AKT3: variants seen among roughly 807,000 people sequenced by gnomAD.
The protein encoded by AKT3 is AKT serine/threonine kinase 3, also known as RAC-gamma serine/threonine-protein kinase.
Under a neutral mutation model 65.3 loss-of-function variants are expected in AKT3, and 15 were observed. That is an observed-to-expected ratio of 0.23 (90% confidence interval 0.15 to 0.35). The LOEUF (loss-of-function observed/expected upper bound fraction) is 0.35, where lower values mean the gene tolerates loss of function less well. Ranked by LOEUF, AKT3 falls within the 10% of genes least tolerant of loss-of-function variation. The pLI is 1.00. For missense variants in AKT3, 243 were observed against 576.5 expected (o/e 0.42, Z 5.92); for synonymous variants, 206 against 183.8 (o/e 1.12, Z -0.98).
chr1:243,498,221 C>A (rs937388201), downstream of AKT3, among the ~76,000 whole-genome samples: 1 of 149,910 alleles, frequency 6.7e-6, no homozygotes, highest in Non-Finnish European at 1.5e-5. Flanking sequence ...GCAAACCCTG[C>A]GTTTGACAAT....
At chr1:243,832,751 A>T (rs1483826583) in intron 2 of AKT3, among the ~76,000 whole-genome samples, 4 of 152,216 alleles carry the variant, frequency 2.6e-5, no homozygotes, top group African/African-American at 9.6e-5. Context: ...ATAGCTGGAA[A>T]GTGAGAGGGA....
intron 4 of AKT3, among the ~76,000 whole-genome samples, chr1:243,659,218 G>A (rs1041826464): frequency 2.6e-5 from 4 of 152,144 alleles, no homozygotes; most frequent in Non-Finnish European, 4.4e-5. Flanking sequence ...TAAAGTAGTC[G>A]AATTCACAGA....
At chr1:243,742,965 C>A (rs1688254384) in intron 2 of AKT3, among the ~76,000 whole-genome samples, 1 of 151,928 alleles carries the variant, frequency 6.6e-6, no homozygotes, top group Non-Finnish European at 1.5e-5. Flanking sequence ...AGAACATGTA[C>A]ATGTTCACCA....
intron 8 of AKT3, among the ~76,000 whole-genome samples, chr1:243,606,889 C>T (rs1558648633): frequency 6.6e-6 from 1 of 152,230 alleles, no homozygotes; most frequent in Non-Finnish European, 1.5e-5. Context: ...TGCTTCAGTC[C>T]CAGCTGTGGC....
chr1:243,491,474 G>A (rs376379448), intron 13 of AKT3, among the ~76,000 whole-genome samples: 1 of 152,228 alleles, frequency 6.6e-6, no homozygotes. Flanking sequence ...ATTTGGTAGA[G>A]GGAATGTTGG....
chr1:243,685,184 T>C (rs1684202981), intron 3 of AKT3, among the ~76,000 whole-genome samples: 1 of 152,244 alleles, frequency 6.6e-6, no homozygotes, highest in Non-Finnish European at 1.5e-5. Context: ...ATTTTGGCTT[T>C]TGTTGCCATT....
Position 243,500,872 on chromosome 1 carries a change from T to TTTTA in AKT3, c.*4373_*4376dup, listed in dbSNP as rs1262437647. 1.3e-5 allele frequency: 3 copies of TTTTA among 228,594 alleles called. No homozygotes were observed. Among genetic ancestry groups the TTTTA allele is most frequent in the African/African-American group, 2.2e-5 (1 of 45,020 alleles). 14.2% of individuals were successfully genotyped at this position (228,594 alleles called of 1,614,324 possible). A position where few individuals can be genotyped will look rare whatever the true frequency, so the allele number is the denominator to read the frequency against. On this transcript the variant is annotated 3_prime_UTR_variant, in exon 14 of 14. Transcript: ENST00000673466. ...GAACTTCTATTCAGATTCAGAAGTT[T>TTTTA]TTTATTTCATCAAATGTGCTAGACA...
chr1:243,489,143 A>G (rs1387001745), intron 13 of AKT3: 3 of 1,611,738 alleles, frequency 1.9e-6, no homozygotes, highest in Non-Finnish European at 2.5e-6. Flanking sequence ...GGACCCAGGT[A>G]CTGTGCAGAA....
chr1:243,521,459 A>G (rs1429489301), intron 12 of AKT3, among the ~76,000 whole-genome samples: 4 of 152,222 alleles, frequency 2.6e-5, no homozygotes, highest in Non-Finnish European at 5.9e-5. Context: ...AAGCAGGAGT[A>G]TAAAAGAGGA....
chr1:243,755,177 T>A lies in AKT3; in HGVS notation c.47-59461A>T, dbSNP rs934515153. On this transcript the variant is annotated intron_variant, in intron 2 of 13. Coordinates refer to ENST00000673466, the MANE Select transcript of AKT3 (RefSeq NM_005465.7). The stretch of plus-strand genomic sequence containing the variant: ...TCCGCCTCCTGGGTTCAAGCAATTC[T>A]CATGCCTCAGCCTCCAGAGCAGTGG... Among the ~76,000 whole-genome samples the A allele has an allele frequency of 3.3e-5, 5 of 151,894 alleles. No homozygotes were observed. The East Asian group carries it at 7.7e-4, about 23-fold the overall frequency.
chr1:243,819,454 A>T (rs1326722871), intron 2 of AKT3, among the ~76,000 whole-genome samples: 3 of 152,166 alleles, frequency 2.0e-5, no homozygotes, highest in African/African-American at 7.2e-5. Flanking sequence ...CAGGAATTTT[A>T]GCAACTCCAG....
chr1:243,505,434 A>C, intron 13 of AKT3, 100 bp from the exon 14 acceptor site: 1 of 929,974 alleles, frequency 1.1e-6, no homozygotes, highest in Non-Finnish European at 1.7e-6. Flanking sequence ...AAAGATGAAC[A>C]GAGGCAATAG....
At chr1:243,823,435 C>T (rs781241986) in intron 2 of AKT3, among the ~76,000 whole-genome samples, 9 of 151,606 alleles carry the variant, frequency 5.9e-5, no homozygotes, top group Non-Finnish European at 1.0e-4. Context: ...GGCAATCATG[C>T]GAGAGAAATT....
chr1:243,616,042 G>A (rs1015899044), intron 6 of AKT3, among the ~76,000 whole-genome samples: 15 of 151,952 alleles, frequency 9.9e-5, no homozygotes, highest in African/African-American at 2.7e-4. Context: ...CTTTGGTTGG[G>A]GGCGTGGGTG....
chr1:243,686,037 A>G (rs560010360), intron 3 of AKT3, among the ~76,000 whole-genome samples: 3 of 152,312 alleles, frequency 2.0e-5, no homozygotes, highest in Non-Finnish European at 4.4e-5. Flanking sequence ...ACCTAGGAAT[A>G]CAACTTACAA....
intron 2 of AKT3, among the ~76,000 whole-genome samples, chr1:243,773,423 T>C (rs77887200): frequency 0.03 from 4,568 of 152,164 alleles, 104 homozygotes; most frequent in Middle Eastern, 0.18. Context: ...CACTGTGACC[T>C]CTTTAGGAAG....
At chr1:243,753,070 C>T (rs1688908269) in intron 2 of AKT3, among the ~76,000 whole-genome samples, 1 of 152,110 alleles carries the variant, frequency 6.6e-6, no homozygotes, top group East Asian at 1.9e-4. Context: ...TTTTGATTTG[C>T]CTTAAGTTCT....
chr1:243,579,112 C>T (rs1675152736), intron 8 of AKT3, among the ~76,000 whole-genome samples: 2 of 152,000 alleles, frequency 1.3e-5, no homozygotes, highest in Admixed American at 6.6e-5. Flanking sequence ...GAGAAATCAA[C>T]GATGTTGAGG....
chr1:243,717,928 A>G (rs1686613186), intron 2 of AKT3, among the ~76,000 whole-genome samples: 1 of 152,196 alleles, frequency 6.6e-6, no homozygotes, highest in Admixed American at 6.5e-5. Context: ...ATTCCTTTTA[A>G]CAGTACTTTT....
Sources: allele counts gnomAD v4.1 joint callset (sites outside exome capture counted in the v4.1 genomes callset), GRCh38; gene constraint gnomAD v4.1.1; transcripts MANE v1.5; gene names NCBI Gene and HGNC (gene_info 2026-07-23, HGNC 2026-07-21).